Variants in CSMD1 observed in about 807,000 individuals in gnomAD.
The protein encoded by CSMD1 is CUB and sushi domain-containing protein 1.
A neutral mutation model predicts 417.5 loss-of-function variants in CSMD1; 213 were observed. The observed-to-expected ratio is 0.51, with a 90% CI of 0.46 to 0.57. The LOEUF is 0.57. CSMD1 is among the 20% of genes least tolerant of loss of function. The pLI, the probability that CSMD1 is intolerant of heterozygous loss-of-function variation, is 0.00. For synonymous variants in CSMD1, 2,862 were observed against 1,736.8 expected (o/e 1.65, Z -16.11); for missense variants, 6,923 against 4,529.7 (o/e 1.53, Z -15.17).
intron 7 of CSMD1, among the ~76,000 whole-genome samples, chr8:3,681,798 A>G (rs1799678008): frequency 6.6e-6 from 1 of 152,242 alleles, no homozygotes; most frequent in South Asian, 2.1e-4. Context: ...CTATACTACA[A>G]GGCTACAGTA....
At chr8:2,944,006 G>C (rs910469991) in intron 68 of CSMD1, among the ~76,000 whole-genome samples, 5 of 152,092 alleles carry the variant, frequency 3.3e-5, no homozygotes, top group African/African-American at 1.2e-4. Flanking sequence ...ACTTTCAAAT[G>C]ACATTATTTG....
At chr8:3,213,214 T>C (rs889671858) in intron 30 of CSMD1, among the ~76,000 whole-genome samples, 19 of 152,332 alleles carry the variant, frequency 1.2e-4, no homozygotes, top group Admixed American at 1.0e-3. Context: ...ATTTGTTTCA[T>C]AATTTATCAA....
intron 3 of CSMD1, among the ~76,000 whole-genome samples, chr8:4,050,814 A>C (rs1585208493): frequency 6.6e-6 from 1 of 152,168 alleles, no homozygotes; most frequent in African/African-American, 2.4e-5. Flanking sequence ...TACCATCTTT[A>C]TCTCAAGTGC....
intron 1 of CSMD1, among the ~76,000 whole-genome samples, chr8:4,959,527 G>C (rs796153173): frequency 2.0e-5 from 3 of 152,210 alleles, no homozygotes; most frequent in African/African-American, 4.8e-5. Context: ...ACAACTTCCA[G>C]CTGCTCCATG....
chr8:4,257,028 C>A (rs1248760338), intron 3 of CSMD1, among the ~76,000 whole-genome samples: 1 of 152,138 alleles, frequency 6.6e-6, no homozygotes, highest in Non-Finnish European at 1.5e-5. Flanking sequence ...TGGGATCAAG[C>A]CATCTAGGAA....
chr8:3,945,082 T>C (rs1585010959), intron 5 of CSMD1, among the ~76,000 whole-genome samples: 1 of 150,554 alleles, frequency 6.6e-6, no homozygotes, highest in East Asian at 2.0e-4. Context: ...TTTAAGACAA[T>C]GTGAACAGGC....
chr8:4,662,895 A>G (rs1166589282), intron 1 of CSMD1, among the ~76,000 whole-genome samples: 2 of 152,236 alleles, frequency 1.3e-5, no homozygotes, highest in Non-Finnish European at 2.9e-5. Context: ...AAAATGAGTT[A>G]GCCAAAAGAC....
At chr8:3,195,695 C>G (rs558136017) in intron 33 of CSMD1, among the ~76,000 whole-genome samples, 2 of 152,302 alleles carry the variant, frequency 1.3e-5, no homozygotes, top group South Asian at 2.1e-4. Flanking sequence ...CTACAGGAGT[C>G]TCCTCCACTG....
chr8:4,125,147 G>C (rs1156324780), intron 3 of CSMD1, among the ~76,000 whole-genome samples: 5 of 151,866 alleles, frequency 3.3e-5, no homozygotes, highest in African/African-American at 7.3e-5. Context: ...ATCAGGAGAA[G>C]ACTTCTTGTC....
At chr8:3,444,467 G>GAACTTTTTCTAC (rs1815177491) in intron 12 of CSMD1, among the ~76,000 whole-genome samples, 1 of 152,164 alleles carries the variant, frequency 6.6e-6, no homozygotes, top group Non-Finnish European at 1.5e-5. Flanking sequence ...TAGAGCAGTA[G>GAACTTTTTCTAC]TGCTCAACCA....
intron 3 of CSMD1, among the ~76,000 whole-genome samples, chr8:4,190,537 T>A (rs1233566686): frequency 1.0e-5 from 1 of 99,458 alleles, no homozygotes; most frequent in Non-Finnish European, 2.1e-5. Context: ...TACATACACA[T>A]ATAAGCTTTT....
intron 3 of CSMD1, among the ~76,000 whole-genome samples, chr8:4,414,753 T>A (rs114995187): frequency 6.6e-6 from 1 of 152,166 alleles, no homozygotes; most frequent in Admixed American, 6.5e-5. Context: ...TTCAGATTTT[T>A]ATCCAAAAAT....
chr8:3,336,043 G>C (rs1402027892), intron 23 of CSMD1, among the ~76,000 whole-genome samples: 1 of 152,162 alleles, frequency 6.6e-6, no homozygotes, highest in Non-Finnish European at 1.5e-5. Flanking sequence ...ACTGTGTTGA[G>C]GTTAACGTAC....
intron 1 of CSMD1, among the ~76,000 whole-genome samples, chr8:4,969,549 T>C (rs1343090720): frequency 1.3e-5 from 2 of 151,724 alleles, no homozygotes; most frequent in Non-Finnish European, 2.9e-5. Flanking sequence ...GGAAATAATA[T>C]TACTCTTATC....
chr8:4,186,360 T>A (rs1406840246), intron 3 of CSMD1, among the ~76,000 whole-genome samples: 1 of 152,126 alleles, frequency 6.6e-6, no homozygotes, highest in African/African-American at 2.4e-5. Flanking sequence ...CTGATTCCTA[T>A]CTTCGTGTTG....
chr8:4,524,322 A>C (rs1796396446), intron 2 of CSMD1, among the ~76,000 whole-genome samples: 1 of 152,130 alleles, frequency 6.6e-6, no homozygotes, highest in African/African-American at 2.4e-5. Context: ...AAAAGGTACT[A>C]TTCTACTGTT....
At chr8:4,354,946 C>T (rs189384847) in intron 3 of CSMD1, among the ~76,000 whole-genome samples, 6 of 146,736 alleles carry the variant, frequency 4.1e-5, no homozygotes, top group Admixed American at 2.1e-4. Context: ...AAGAAACCAC[C>T]GAATTCCACC....
At chr8:3,624,373 A>C (rs556704121) in intron 7 of CSMD1, among the ~76,000 whole-genome samples, 63 of 152,300 alleles carry the variant, frequency 4.1e-4, no homozygotes, top group African/African-American at 1.1e-3. Flanking sequence ...ATCTCTATGT[A>C]AGGTGTCATT....
intron 10 of CSMD1, among the ~76,000 whole-genome samples, chr8:3,542,684 A>T (rs79205099): frequency 0.018 from 2,720 of 152,306 alleles, 82 homozygotes; most frequent in African/African-American, 0.062. Context: ...ATTCTTGCTC[A>T]AATGTCTCAA....
Sources: allele counts gnomAD v4.1 joint callset (sites outside exome capture counted in the v4.1 genomes callset), GRCh38; gene constraint gnomAD v4.1.1; transcripts MANE v1.5; gene names NCBI Gene and HGNC (gene_info 2026-07-23, HGNC 2026-07-21).